The following CAST variants were observed in gnomAD, a reference collection of about 807,000 sequenced individuals.
The protein encoded by CAST is calpastatin, also known as MIR583 host.
A neutral mutation model predicts 119.6 loss-of-function variants in CAST; 76 were observed. That is an observed-to-expected ratio of 0.64 (90% confidence interval 0.53 to 0.77). CAST has a LOEUF of 0.77. Among genes scored for constraint, CAST ranks in the 30% least tolerant of loss-of-function variants. The pLI is 0.00. For missense variants in CAST, 953 were observed against 946.5 expected, an observed-to-expected ratio of 1.01 and a Z score of -0.09; for synonymous variants, 319 against 331.6, an observed-to-expected ratio of 0.96 and a Z score of 0.41.
intron 1 of CAST, among the ~76,000 whole-genome samples, chr5:96,609,279 T>C (rs957598765): frequency 5.3e-5 from 8 of 152,240 alleles, no homozygotes; most frequent in African/African-American, 1.9e-4. Flanking sequence ...AGCCTCTCTC[T>C]GTTACATAGG....
intron 1 of CAST, among the ~76,000 whole-genome samples, chr5:96,581,769 T>C (rs2150189383): frequency 6.6e-6 from 1 of 152,152 alleles, no homozygotes; most frequent in African/African-American, 2.4e-5. Context: ...CGGGTGCCTG[T>C]AGTCCCAGCT....
At chr5:96,096,605 A>G in the CAST span, among the ~76,000 whole-genome samples, 1 of 152,188 alleles carries the variant, frequency 6.6e-6, no homozygotes, top group Non-Finnish European at 1.5e-5. Context: ...TCTTGTTTCC[A>G]TTTTATTTAG....
intron 2 of CAST, among the ~76,000 whole-genome samples, chr5:96,693,084 C>G (rs1212493711): frequency 1.3e-5 from 2 of 152,142 alleles, no homozygotes; most frequent in African/African-American, 4.8e-5. Flanking sequence ...CAGATGTCAA[C>G]AAAGGGCTTA....
chr5:96,634,654 G>T (rs533404617), intron 1 of CAST, among the ~76,000 whole-genome samples: 1 of 152,194 alleles, frequency 6.6e-6, no homozygotes, highest in South Asian at 2.1e-4. Flanking sequence ...AGATAGTGTT[G>T]CCTCTGCAAT....
intron 2 of CAST, among the ~76,000 whole-genome samples, chr5:96,690,036 T>G (rs1317962717): frequency 2.6e-5 from 4 of 152,096 alleles, no homozygotes; most frequent in Non-Finnish European, 1.5e-5. Flanking sequence ...TGACTCCTGG[T>G]CAGTGCAGCA....
At chr5:96,333,954 G>A in the CAST span, among the ~76,000 whole-genome samples, 2 of 152,128 alleles carry the variant, frequency 1.3e-5, no homozygotes, top group East Asian at 1.9e-4. Flanking sequence ...CTTTGAGTTC[G>A]TAAGTCCAAG....
At chr5:96,748,033 AT>A (rs1459442572) in intron 18 of CAST, among the ~76,000 whole-genome samples, 1 of 152,192 alleles carries the variant, frequency 6.6e-6, no homozygotes, top group Non-Finnish European at 1.5e-5. Context: ...GTTAGTGACA[AT>A]CTCCACATGC....
chr5:96,148,925 G>T, the CAST span, among the ~76,000 whole-genome samples: 2 of 152,236 alleles, frequency 1.3e-5, no homozygotes, highest in Admixed American at 6.5e-5. Flanking sequence ...TACTTGTAAA[G>T]TGTGGGGCAT....
At chr5:96,504,274 C>A in the CAST span, among the ~76,000 whole-genome samples, 1 of 152,184 alleles carries the variant, frequency 6.6e-6, no homozygotes, top group African/African-American at 2.4e-5. Context: ...ACCGGCACAT[C>A]CAGTTCAGCA....
In CAST at chr5:96,642,247, G is replaced by A. The variant is rs147586371; in HGVS notation, c.61-33292G>A. ...TGTATCCACCACTAGACTCCATGAT[G>A]AAAAGGATCATTTCAATCTTATTCA... is the stretch of plus-strand genomic sequence containing the variant. On this transcript the variant is annotated intron_variant, in intron 1 of 11. Transcript: ENST00000505143. Among the ~76,000 whole-genome samples the A allele has an allele frequency of 2.6e-5, 4 of 152,316 alleles. No individual in the cohort carries two copies. The East Asian group carries it at 7.7e-4, about 29-fold the overall frequency.
At chr5:96,637,215 A>G (rs1409012567) in intron 1 of CAST, among the ~76,000 whole-genome samples, 1 of 152,176 alleles carries the variant, frequency 6.6e-6, no homozygotes, top group African/African-American at 2.4e-5. Context: ...AAGTCTAAAC[A>G]CTTTACATTT....
At chr5:96,323,781 C>G in the CAST span, among the ~76,000 whole-genome samples, 8 of 152,136 alleles carry the variant, frequency 5.3e-5, no homozygotes, top group African/African-American at 1.9e-4. Context: ...GTTCAATCAT[C>G]TCATTTTATA....
At chr5:96,737,300 C>T (rs1435090419) in intron 10 of CAST, among the ~76,000 whole-genome samples, 1 of 150,114 alleles carries the variant, frequency 6.7e-6, no homozygotes. Context: ...TAAACCTCTT[C>T]AGGCAAGCAA....
At chr5:96,328,450 A>G in the CAST span, among the ~76,000 whole-genome samples, 1 of 144,540 alleles carries the variant, frequency 6.9e-6, no homozygotes, top group Non-Finnish European at 1.5e-5. Flanking sequence ...ATGGCTATAG[A>G]ACTGAATATC....
At chr5:96,771,582 G>T (rs1000562933) in intron 30 of CAST, 62 bp from the exon 31 acceptor site, 3 of 1,228,106 alleles carry the variant, frequency 2.4e-6, no homozygotes, top group Admixed American at 1.9e-5. Flanking sequence ...TTCTGAGAAG[G>T]CCATCTCCTC....
chr5:96,743,566 G>GA, intron 16 of CAST: 1 of 1,583,378 alleles, frequency 6.3e-7, no homozygotes, highest in Non-Finnish European at 8.6e-7. Flanking sequence ...AGTCATCAGG[G>GA]AAGGGGAGTC....
chr5:96,522,606 G>C (rs1745536276), upstream of CAST, among the ~76,000 whole-genome samples: 1 of 151,208 alleles, frequency 6.6e-6, no homozygotes, highest in Non-Finnish European at 1.5e-5. Context: ...GGGTGAAAAG[G>C]GGTCATGTTA....
intron 1 of CAST, among the ~76,000 whole-genome samples, chr5:96,552,084 G>A (rs1746141667): frequency 6.6e-6 from 1 of 152,116 alleles, no homozygotes; most frequent in African/African-American, 2.4e-5. Flanking sequence ...GACATCTACA[G>A]AACTCTCCAC....
the CAST span, among the ~76,000 whole-genome samples, chr5:96,476,825 C>T: frequency 6.6e-6 from 1 of 151,696 alleles, no homozygotes; most frequent in Admixed American, 6.6e-5. Flanking sequence ...ACTCTTAAAA[C>T]ATCTCCCTGC....
Sources: allele counts gnomAD v4.1 joint callset (sites outside exome capture counted in the v4.1 genomes callset), GRCh38; gene constraint gnomAD v4.1.1; transcripts MANE v1.5; gene names NCBI Gene and HGNC (gene_info 2026-07-23, HGNC 2026-07-21).